Variants in KPNA3 observed in about 807,000 individuals in gnomAD.
The protein encoded by KPNA3 is karyopherin subunit alpha 3.
Under a neutral mutation model 73.8 loss-of-function variants are expected in KPNA3, and 13 were observed. The observed-to-expected ratio is 0.18, with a 90% CI of 0.11 to 0.28. KPNA3 has a LOEUF of 0.28. Among genes scored for constraint, KPNA3 ranks in the 10% least tolerant of loss-of-function variants. The probability of loss-of-function intolerance (pLI) is 1.00; values close to 1 mark genes in which losing one functional copy is unlikely to be tolerated. For missense variants in KPNA3, 360 were observed against 618.1 expected (o/e 0.58, Z 4.43); for synonymous variants, 186 against 206.9 (o/e 0.90, Z 0.87).
At chr13:49,762,861 TA>T (rs1449825700) in intron 1 of KPNA3, among the ~76,000 whole-genome samples, 1 of 84,888 alleles carries the variant, frequency 1.2e-5, no homozygotes, top group African/African-American at 4.5e-5. Context: ...GAATGATCAA[TA>T]AAAAAAATAA....
intron 11 of KPNA3, among the ~76,000 whole-genome samples, chr13:49,710,618 G>A (rs1006271394): frequency 3.9e-5 from 6 of 152,182 alleles, no homozygotes; most frequent in African/African-American, 7.2e-5. Context: ...GGAGATGATC[G>A]TTTCATTTCT....
chr13:49,742,365 C>T (rs1594446044), intron 2 of KPNA3, among the ~76,000 whole-genome samples: 1 of 151,970 alleles, frequency 6.6e-6, no homozygotes, highest in African/African-American at 2.4e-5. Flanking sequence ...GTAGTAGGAC[C>T]AAAAATGAAA....
chr13:49,790,853 TACAA>T (rs1053338905), intron 1 of KPNA3, among the ~76,000 whole-genome samples: 16 of 152,238 alleles, frequency 1.1e-4, no homozygotes, highest in Non-Finnish European at 5.9e-5. Flanking sequence ...GGTTTTTCTG[TACAA>T]ACAATGAGTA....
chr13:49,715,527 A>T (rs1159999935), intron 10 of KPNA3, among the ~76,000 whole-genome samples: 1 of 152,258 alleles, frequency 6.6e-6, no homozygotes, highest in Admixed American at 6.5e-5. Context: ...GATACTGAGA[A>T]AGTCACTTTC....
chr13:49,730,825 G>A (rs1329844351), intron 6 of KPNA3, among the ~76,000 whole-genome samples: 1 of 137,968 alleles, frequency 7.2e-6, no homozygotes, highest in Non-Finnish European at 1.5e-5. Flanking sequence ...CGCCCAGGCT[G>A]GAGTGCAGTG....
intron 10 of KPNA3, among the ~76,000 whole-genome samples, chr13:49,713,673 AC>A (rs1168395945): frequency 2.5e-3 from 377 of 149,406 alleles, no homozygotes; most frequent in South Asian, 3.9e-3. Context: ...ACACACACAC[AC>A]AAAACAGAAA....
chr13:49,765,322 AT>A (rs1954800024), intron 1 of KPNA3, among the ~76,000 whole-genome samples: 1 of 152,200 alleles, frequency 6.6e-6, no homozygotes, highest in Admixed American at 6.5e-5. Flanking sequence ...ACTATTTATT[AT>A]TTTGCTCACC....
intron 9 of KPNA3, among the ~76,000 whole-genome samples, chr13:49,720,452 G>A (rs1311123759): frequency 2.0e-5 from 3 of 152,138 alleles, no homozygotes; most frequent in Non-Finnish European, 4.4e-5. Flanking sequence ...AGAGAAAGAT[G>A]TCCATTATAA....
Position 49,715,665 on chromosome 13 carries a change from A to G in KPNA3, c.771+4110T>C, listed in dbSNP as rs1341471205. Among the ~76,000 whole-genome samples, 5 of 152,384 alleles carry G rather than the reference A, an allele frequency of 3.3e-5. No individual in the cohort carries two copies. The East Asian group carries it at 9.6e-4, about 29-fold the overall frequency. On this transcript the variant is annotated intron_variant, in intron 10 of 16. Transcript: ENST00000261667. ...GGCAACCACAATAAAGGCAACCACT[A>G]GAACAAGAATACAAACCTTCCCAGA...
chr13:49,762,292 G>A (rs1954773142), intron 1 of KPNA3, among the ~76,000 whole-genome samples: 1 of 150,208 alleles, frequency 6.7e-6, no homozygotes, highest in Non-Finnish European at 1.5e-5. Context: ...GAGGTGGGGG[G>A]TGCCTCTGCC....
intron 1 of KPNA3, among the ~76,000 whole-genome samples, chr13:49,761,500 C>G (rs1158546216): frequency 6.6e-6 from 1 of 152,242 alleles, no homozygotes; most frequent in African/African-American, 2.4e-5. Flanking sequence ...CTCGGCCTCC[C>G]GAGGTGCCAG....
intron 9 of KPNA3, among the ~76,000 whole-genome samples, chr13:49,721,609 G>T (rs1232058496): frequency 2.6e-5 from 4 of 152,166 alleles, no homozygotes; most frequent in Non-Finnish European, 4.4e-5. Flanking sequence ...CACGAGGTCA[G>T]GAGGTCGAGA....
chr13:49,715,038 GA>G (rs2137538707), intron 10 of KPNA3, among the ~76,000 whole-genome samples: 1 of 151,948 alleles, frequency 6.6e-6, no homozygotes, highest in East Asian at 1.9e-4. Flanking sequence ...GAAAATAATA[GA>G]ATTTTCTCTA....
At chr13:49,709,932 C>CA (rs941175284) in intron 11 of KPNA3, among the ~76,000 whole-genome samples, 50 of 151,752 alleles carry the variant, frequency 3.3e-4, no homozygotes, top group African/African-American at 1.2e-3. Flanking sequence ...GAAAAAGATT[C>CA]AAAAAATAAA....
At chr13:49,755,490 G>C (rs917143266) in intron 1 of KPNA3, among the ~76,000 whole-genome samples, 3 of 152,160 alleles carry the variant, frequency 2.0e-5, no homozygotes, top group African/African-American at 7.2e-5. Flanking sequence ...AAGGCATATA[G>C]ATGCAAAAGA....
intron 2 of KPNA3, among the ~76,000 whole-genome samples, chr13:49,735,753 G>A (rs777483811): frequency 6.6e-6 from 1 of 152,116 alleles, no homozygotes. Flanking sequence ...ACGTATGCAT[G>A]TATCTACCTA....
At chr13:49,730,077 T>A (rs1489787559) in intron 6 of KPNA3, among the ~76,000 whole-genome samples, 1 of 152,222 alleles carries the variant, frequency 6.6e-6, no homozygotes, top group Non-Finnish European at 1.5e-5. Context: ...TGGGTGGTGG[T>A]TACAGAGGTC....
intron 1 of KPNA3, among the ~76,000 whole-genome samples, chr13:49,768,268 G>C (rs1207162251): frequency 8.0e-6 from 1 of 124,662 alleles, no homozygotes; most frequent in Non-Finnish European, 1.6e-5. Context: ...AACAGTGCGA[G>C]ACTCTGTCTC....
intron 10 of KPNA3, among the ~76,000 whole-genome samples, chr13:49,714,497 C>T (rs1361593793): frequency 6.6e-6 from 1 of 152,084 alleles, no homozygotes; most frequent in Non-Finnish European, 1.5e-5. Context: ...TAAAAACTGA[C>T]CTTCTTTAGA....
Sources: allele counts gnomAD v4.1 joint callset (sites outside exome capture counted in the v4.1 genomes callset), GRCh38; gene constraint gnomAD v4.1.1; transcripts MANE v1.5; gene names NCBI Gene and HGNC (gene_info 2026-07-23, HGNC 2026-07-21).